The following NAXD variants were observed in gnomAD, a reference collection of about 807,000 sequenced individuals.
NAXD encodes NAD(P)HX dehydratase.
In NAXD, 22 loss-of-function variants were observed where a neutral mutation model predicts 35.8. The observed-to-expected ratio is 0.62, with a 90% CI of 0.44 to 0.88. The LOEUF is 0.88. Among genes scored for constraint, NAXD ranks in the 40% least tolerant of loss-of-function variants. The pLI, the probability that NAXD is intolerant of heterozygous loss-of-function variation, is 0.00. For synonymous variants in NAXD, 189 were observed against 177.6 expected (o/e 1.06, Z -0.51); for missense variants, 428 against 437.7 (o/e 0.98, Z 0.20).
At chr13:110,627,641 TC>T (rs1222840024) in intron 5 of NAXD, 94 bp downstream of exon 5, 1 of 811,672 alleles carries the variant, frequency 1.2e-6, no homozygotes, top group African/African-American at 1.7e-5. Flanking sequence ...TGTGTAGTGT[TC>T]CGTGTGCCTC....
At chr13:110,637,795 G>T (rs765044122) in intron 9 of NAXD, 2 of 463,472 alleles carry the variant, frequency 4.3e-6, no homozygotes, top group Non-Finnish European at 8.6e-6. Context: ...TGGCAGACCC[G>T]GGCTTCTGGA....
chr13:110,637,338 G>T, intron 9 of NAXD, 89 bp downstream of exon 9: 1 of 1,469,216 alleles, frequency 6.8e-7, no homozygotes. Context: ...AAGTAGCCCT[G>T]GAAACACTGA....
At chr13:110,634,413 C>G (rs1373958851) in intron 5 of NAXD, 132 bp from the exon 6 acceptor site, 2 of 867,526 alleles carry the variant, frequency 2.3e-6, no homozygotes, top group Admixed American at 2.0e-5. Context: ...GACACTGCCA[C>G]ATCACCTTTT....
At position 110,627,031 on chromosome 13, in the gene NAXD, A is replaced by G. The variant is rs554948559; in HGVS notation, c.333-408A>G. Among the ~76,000 whole-genome samples, 86 of 152,248 alleles carry G rather than the reference A, an allele frequency of 5.6e-4. 1 individual carries two copies. Among genetic ancestry groups the G allele is most frequent in the Non-Finnish European group, 1.2e-3 (79 of 68,042 alleles). On this transcript the variant is annotated intron_variant, in intron 4 of 9. Coordinates refer to ENST00000680254, the MANE Select transcript of NAXD (RefSeq NM_001242882.2). Reference sequence around the variant, plus strand: ...ATCGTTCTTTTTCTAACTTGTCGTAACTGTTGAAAGCTAGGCATGTAAATC... The same window carrying G: ...ATCGTTCTTTTTCTAACTTGTCGTAGCTGTTGAAAGCTAGGCATGTAAATC...
intron 5 of NAXD, among the ~76,000 whole-genome samples, chr13:110,630,651 T>C (rs959136089): frequency 6.6e-6 from 1 of 152,218 alleles, no homozygotes; most frequent in African/African-American, 2.4e-5. Flanking sequence ...CTTATTGTTT[T>C]GGTTGTTACT....
chr13:110,637,096 G>A (rs1228969640), intron 8 of NAXD, 33 bp from the exon 9 acceptor site: 2 of 1,583,996 alleles, frequency 1.3e-6, no homozygotes, highest in East Asian at 2.3e-5. Context: ...ACATGGCCAT[G>A]CTGACACCTG....
rs778070424 is a variant in NAXD, at chr13:110,621,420, G to A, written c.47-796G>A. 7.8e-4 allele frequency among the ~76,000 whole-genome samples: 119 copies of A among 152,352 alleles called. 2 individuals are homozygous for A. Among genetic ancestry groups the A allele is most frequent in the Admixed American group, 4.7e-3 (72 of 15,302 alleles). ...GATAGAAATAGCATATGTTGTCCTG[G>A]TGGGGTGGCTCATGCCTGTAATCCC... On this transcript the variant is annotated intron_variant, in intron 1 of 9. Coordinates refer to ENST00000680254, the MANE Select transcript of NAXD (RefSeq NM_001242882.2).
chr13:110,629,037 C>T (rs1051457921), intron 5 of NAXD, among the ~76,000 whole-genome samples: 5 of 152,236 alleles, frequency 3.3e-5, no homozygotes, highest in Non-Finnish European at 1.5e-5. Flanking sequence ...ACACTGTTGC[C>T]GTGGTCTTGA....
intron 1 of NAXD, among the ~76,000 whole-genome samples, chr13:110,618,257 A>C (rs929658367): frequency 7.0e-6 from 1 of 143,838 alleles, no homozygotes; most frequent in Non-Finnish European, 1.5e-5. Flanking sequence ...TGAAATATTC[A>C]GTTTCTGGAT....
chr13:110,624,103 A>T (rs1393298963), intron 2 of NAXD, 131 bp from the exon 3 acceptor site: 6 of 597,790 alleles, frequency 1.0e-5, no homozygotes, highest in Non-Finnish European at 1.8e-5. Context: ...TGTGTGCTTC[A>T]TGTCTCTGTT....
At chr13:110,629,582 T>G (rs1886629269) in intron 5 of NAXD, among the ~76,000 whole-genome samples, 1 of 152,128 alleles carries the variant, frequency 6.6e-6, no homozygotes, top group Non-Finnish European at 1.5e-5. Context: ...TGCTATTTAG[T>G]GATTAGTTAT....
chr13:110,629,644 A>T lies in NAXD; in HGVS notation c.441+2097A>T, dbSNP rs112423175. On this transcript the variant is annotated intron_variant, in intron 5 of 9. Transcript: ENST00000680254. Reference sequence around the variant, plus strand: ...AGTTACCTGTGTTGTAGCATGTATCAGTATTCCATTCCTTTTTATATCTAA... The same window carrying T: ...AGTTACCTGTGTTGTAGCATGTATCTGTATTCCATTCCTTTTTATATCTAA... Among the ~76,000 whole-genome samples the T allele has an allele frequency of 5.9e-3, 904 of 152,360 alleles. 16 individuals carry two copies. Among genetic ancestry groups the T allele is most frequent in the African/African-American group, 0.021 (866 of 41,582 alleles).
In NAXD at chr13:110,638,372, C is replaced by G; in HGVS notation, c.840-6C>G. 2 of 1,613,908 alleles carry G rather than the reference C, an allele frequency of 1.2e-6. No homozygotes were observed. Among genetic ancestry groups the G allele is most frequent in the Non-Finnish European group, 8.5e-7 (1 of 1,180,034 alleles). ...CCCACACCTCCTGCTGTCCCCCTCT[C>G]CGCAGGTCCAGCCCTCTCCTGGTGG... On this transcript the variant is annotated splice_polypyrimidine_tract_variant and splice_region_variant and intron_variant, in intron 9 of 9. Coordinates refer to ENST00000680254, the MANE Select transcript of NAXD (RefSeq NM_001242882.2). The surrounding 1 kb of genome is among the most constrained non-coding windows in gnomAD (Gnocchi z 5.4).
chr13:110,632,814 A>G (rs901647558), intron 5 of NAXD, among the ~76,000 whole-genome samples: 2 of 150,516 alleles, frequency 1.3e-5, no homozygotes, highest in African/African-American at 4.8e-5. Context: ...CGATTGGTGC[A>G]TTCACAAACC....
intron 1 of NAXD, among the ~76,000 whole-genome samples, chr13:110,620,644 C>T (rs943678493): frequency 2.6e-5 from 4 of 151,314 alleles, no homozygotes; most frequent in Admixed American, 1.3e-4. Context: ...CTTGGGGAAT[C>T]CCAGCATCTG....
At position 110,635,598 on chromosome 13, in the gene NAXD, G is replaced by A. The variant is rs141080550; in HGVS notation, c.718+10G>A. 0.022 allele frequency: 36,296 copies of A among 1,613,416 alleles called. 485 individuals carry two copies. Among genetic ancestry groups the A allele is most frequent in the Non-Finnish European group, 0.027 (31,343 of 1,179,842 alleles). ...TCCAACGGCCAGCAGGGTGAGTGGC[G>A]GCTGCCCTCTGTGCATGGGCCAGTG... is the stretch of plus-strand genomic sequence containing the variant. On this transcript the variant is annotated intron_variant, in intron 8 of 9. Transcript: ENST00000680254.
In NAXD at chr13:110,634,559, G is replaced by A; in HGVS notation, c.456G>A (p.Val152=). The change falls in exon 6 of 10, where the codon GTG becomes GTA. Residue 152 remains valine (V), a synonymous_variant. Transcript: ENST00000680254. ...LLRNVQGILE[V]SKARDIPVVI... Reference sequence around the variant, plus strand: ...TCTTCTGGCAGGGCATTTTGGAAGTGTCAAAGGCCAGGGACATCCCTGTTG... The same window carrying A: ...TCTTCTGGCAGGGCATTTTGGAAGTATCAAAGGCCAGGGACATCCCTGTTG... 6.2e-7 allele frequency: 1 copy of A among 1,614,226 alleles called. No individual in the cohort carries two copies. The highest frequency in any genetic ancestry group is 8.5e-7 in the Non-Finnish European group (1 of 1,180,034).
At chr13:110,623,103 A>G (rs1886328252) in intron 2 of NAXD, among the ~76,000 whole-genome samples, 2 of 152,138 alleles carry the variant, frequency 1.3e-5, no homozygotes, top group African/African-American at 4.8e-5. Context: ...AACCTTTGCT[A>G]GTGAAGTCGA....
chr13:110,626,906 C>T lies in NAXD; in HGVS notation c.333-533C>T, dbSNP rs1283317583. Among the ~76,000 whole-genome samples, 5 of 152,344 alleles carry T rather than the reference C, an allele frequency of 3.3e-5. No homozygotes were observed. The East Asian group carries it at 9.6e-4, about 29-fold the overall frequency. On this transcript the variant is annotated intron_variant, in intron 4 of 9. Transcript: ENST00000680254. ...GCAGGGTCAGTGCGTTGTGTGGGGC[C>T]TGGTCTATAAGCACACAAAGTAGGC... is the stretch of plus-strand genomic sequence containing the variant.
Sources: gnomAD v4.1 joint callset for allele counts (sites outside exome capture counted in the v4.1 genomes callset) on GRCh38, gnomAD v4.1.1 for gene constraint, Gnocchi (gnomAD v3.1) non-coding constraint, MANE v1.5 for transcripts, NCBI Gene and HGNC (gene_info 2026-07-23, HGNC 2026-07-21) for gene names.